Variants in KAZN observed in about 807,000 individuals in gnomAD.
KAZN encodes kazrin.
In KAZN, 40 loss-of-function variants were observed where a neutral mutation model predicts 87.4. That is an observed-to-expected ratio of 0.46 (90% confidence interval 0.36 to 0.60). The LOEUF is 0.60. Ranked by LOEUF, KAZN falls within the 20% of genes least tolerant of loss-of-function variation. KAZN has a pLI of 0.00. For synonymous variants in KAZN, 466 were observed against 458.3 expected, an observed-to-expected ratio of 1.02 and a Z score of -0.22; for missense variants, 898 against 1,073.9, an observed-to-expected ratio of 0.84 and a Z score of 2.29.
intron 1 of KAZN, among the ~76,000 whole-genome samples, chr1:13,945,981 C>G (rs10927963): frequency 0.14 from 21,118 of 152,106 alleles, 1,565 homozygotes; most frequent in Middle Eastern, 0.22. Flanking sequence ...AAAAAGGCCT[C>G]TCTCCAGCAC....
intron 1 of KAZN, among the ~76,000 whole-genome samples, chr1:14,711,946 C>T (rs1339682515): frequency 2.0e-5 from 3 of 152,162 alleles, no homozygotes; most frequent in Admixed American, 6.5e-5. Context: ...CAGTAGATAA[C>T]TAATACAGGA....
chr1:14,955,196 A>G lies in KAZN; in HGVS notation c.227-5488A>G, dbSNP rs148835056. 4.7e-3 allele frequency among the ~76,000 whole-genome samples: 712 copies of G among 152,318 alleles called. 4 individuals carry two copies. The highest frequency in any genetic ancestry group is 0.017 in the Middle Eastern group (5 of 294). ...CAAGTCTTCCAACGGCAGCTTCTTT[A>G]TTGTTTCTTCAGAAATGTGGTTGGT... is the stretch of plus-strand genomic sequence containing the variant. On this transcript the variant is annotated intron_variant, in intron 1 of 14. Transcript: ENST00000376030.
intron 1 of KAZN, among the ~76,000 whole-genome samples, chr1:14,738,991 A>G (rs1644003458): frequency 6.6e-6 from 1 of 152,156 alleles, no homozygotes; most frequent in African/African-American, 2.4e-5. Context: ...TGGGCAACCT[A>G]GTGAAACCTC....
chr1:14,419,956 G>A (rs569424088), intron 2 of KAZN, among the ~76,000 whole-genome samples: 3 of 152,166 alleles, frequency 2.0e-5, no homozygotes, highest in African/African-American at 4.8e-5. Flanking sequence ...AGGTGGAAGG[G>A]AACATTAGGG....
In KAZN at chr1:14,757,242, T is replaced by C. The variant is rs575069459; in HGVS notation, c.226+158019T>C. Among the ~76,000 whole-genome samples, 87 of 152,360 alleles carry C rather than the reference T, an allele frequency of 5.7e-4. No individual in the cohort carries two copies. The South Asian group carries it at 7.7e-3, about 13-fold the overall frequency. ...GTTCACAAAGTGTACTCTGGCACTA[T>C]GTGGGACAAAGAATTATGCATCAGC... On this transcript the variant is annotated intron_variant, in intron 1 of 14. Transcript: ENST00000376030.
intron 2 of KAZN, among the ~76,000 whole-genome samples, chr1:14,484,366 AAT>A (rs989268829): frequency 6.6e-6 from 1 of 152,230 alleles, no homozygotes; most frequent in African/African-American, 2.4e-5. Context: ...ACCAAAAAAA[AAT>A]ATGTGAGGTA....
intron 1 of KAZN, among the ~76,000 whole-genome samples, chr1:14,039,316 C>T (rs1033616876): frequency 3.9e-5 from 6 of 152,210 alleles, no homozygotes; most frequent in Admixed American, 3.3e-4. Context: ...TCCACGGTCT[C>T]CCTATGAGCT....
At position 15,052,772 on chromosome 1, in the gene KAZN, A is replaced by C. The variant is rs373599072; in HGVS notation, c.727-3319A>C. On this transcript the variant is annotated intron_variant, in intron 4 of 14. Coordinates refer to ENST00000376030, the MANE Select transcript of KAZN (RefSeq NM_201628.3). ...AGTGGACAGTTTATCCTTGTGCTTC[A>C]GAACTCACAGGTACAGCCACCCCAT... Among the ~76,000 whole-genome samples the C allele has an allele frequency of 3.9e-4, 60 of 152,330 alleles. 1 individual carries two copies. In the South Asian group the frequency reaches 0.011, roughly 28 times the overall value.
At chr1:14,999,848 C>T (rs1668288059) in intron 2 of KAZN, among the ~76,000 whole-genome samples, 1 of 152,182 alleles carries the variant, frequency 6.6e-6, no homozygotes, top group Admixed American at 6.5e-5. Flanking sequence ...TGCAGGACAC[C>T]CTCAGTCTGC....
At chr1:14,724,027 C>T (rs1643255795) in intron 1 of KAZN, among the ~76,000 whole-genome samples, 1 of 152,152 alleles carries the variant, frequency 6.6e-6, no homozygotes, top group Admixed American at 6.5e-5. Flanking sequence ...TTTCTGCATT[C>T]GTTGATTTAT....
chr1:14,685,735 C>A lies in KAZN; in HGVS notation c.226+86512C>A, dbSNP rs148235530. Among the ~76,000 whole-genome samples the A allele has an allele frequency of 1.1e-3, 162 of 152,254 alleles. 1 individual carries two copies. Among genetic ancestry groups the A allele is most frequent in the African/African-American group, 3.7e-3 (153 of 41,554 alleles). ...GCTGTTTAGTTAGATACGGTCAAGA[C>A]AACTATAAAAGATGGTGGCAGAGGA... On this transcript the variant is annotated intron_variant, in intron 1 of 14. Coordinates refer to ENST00000376030, the MANE Select transcript of KAZN (RefSeq NM_201628.3).
chr1:13,974,016 G>A (rs60295084), intron 1 of KAZN, among the ~76,000 whole-genome samples: 4,300 of 152,362 alleles, frequency 0.028, 194 homozygotes, highest in African/African-American at 0.099. Flanking sequence ...GATGCATGGG[G>A]CAAAGTCTGG....
At chr1:14,145,341 G>T (rs1645323429) in intron 1 of KAZN, among the ~76,000 whole-genome samples, 1 of 152,046 alleles carries the variant, frequency 6.6e-6, no homozygotes, top group African/African-American at 2.4e-5. Context: ...GCTCTCAGGA[G>T]GCTGAGGTGG....
chr1:13,980,278 T>C (rs1638599075), intron 1 of KAZN, among the ~76,000 whole-genome samples: 1 of 152,206 alleles, frequency 6.6e-6, no homozygotes, highest in African/African-American at 2.4e-5. Context: ...GTAGTTTTCA[T>C]TTCAATACAT....
intron 6 of KAZN, 38 bp downstream of exon 6, chr1:15,060,340 C>G: frequency 6.2e-7 from 1 of 1,612,470 alleles, no homozygotes. Flanking sequence ...CCCCTGGGCC[C>G]TGCCCAGAAA....
chr1:14,283,046 A>C (rs1211173065), intron 2 of KAZN, among the ~76,000 whole-genome samples: 2 of 152,216 alleles, frequency 1.3e-5, no homozygotes, highest in Non-Finnish European at 2.9e-5. Flanking sequence ...TTCGCAGAGC[A>C]AAGAAGGAGT....
chr1:14,192,666 A>T (rs1646445086), intron 2 of KAZN, among the ~76,000 whole-genome samples: 1 of 152,230 alleles, frequency 6.6e-6, no homozygotes, highest in Admixed American at 6.5e-5. Flanking sequence ...TTTTCAAAGA[A>T]AATTTGAATC....
chr1:14,260,099 G>A (rs891953519), intron 2 of KAZN, among the ~76,000 whole-genome samples: 1 of 151,950 alleles, frequency 6.6e-6, no homozygotes, highest in Non-Finnish European at 1.5e-5. Context: ...AAAATTTCAC[G>A]ACCTCTTCCC....
chr1:14,469,518 C>T (rs1465326939), intron 2 of KAZN, among the ~76,000 whole-genome samples: 1 of 152,104 alleles, frequency 6.6e-6, no homozygotes, highest in African/African-American at 2.4e-5. Flanking sequence ...GCTGAAGTTG[C>T]TAAGAAAATT....
Sources: allele counts gnomAD v4.1 joint callset (sites outside exome capture counted in the v4.1 genomes callset), GRCh38; gene constraint gnomAD v4.1.1; transcripts MANE v1.5; gene names NCBI Gene and HGNC (gene_info 2026-07-23, HGNC 2026-07-21).